The following BRINP3 variants were observed in gnomAD, a reference collection of about 807,000 sequenced individuals.
BRINP3 encodes the protein BMP/retinoic acid-inducible neural-specific protein 3.
BRINP3 carries 19 observed loss-of-function variants against 71.0 expected under a neutral mutation model. The observed-to-expected ratio is 0.27, with a 90% confidence interval of 0.19 to 0.39. The LOEUF (loss-of-function observed/expected upper bound fraction) is 0.39. BRINP3 is among the 10% of genes least tolerant of loss of function. BRINP3 has a pLI of 1.00. For missense variants in BRINP3, 959 were observed against 940.8 expected (o/e 1.02, Z -0.25); for synonymous variants, 380 against 337.7 (o/e 1.13, Z -1.37).
At chr1:190,300,698 A>T (rs1029431143) in intron 2 of BRINP3, among the ~76,000 whole-genome samples, 1 of 152,132 alleles carries the variant, frequency 6.6e-6, no homozygotes, top group Non-Finnish European at 1.5e-5. Flanking sequence ...GTAGTCCAAC[A>T]GACCTGCAGC....
intron 6 of BRINP3, among the ~76,000 whole-genome samples, chr1:190,206,489 CGTGTAT>C (rs1558064586): frequency 6.6e-6 from 1 of 151,498 alleles, no homozygotes; most frequent in African/African-American, 2.4e-5. Context: ...AGAAAAAAAA[CGTGTAT>C]GTGTATGATA....
chr1:190,360,772 G>A (rs1042234096), intron 2 of BRINP3, among the ~76,000 whole-genome samples: 3 of 151,800 alleles, frequency 2.0e-5, no homozygotes, highest in Non-Finnish European at 4.4e-5. Flanking sequence ...ACAACTAGGC[G>A]GTGTGTTGAG....
chr1:190,143,523 T>C (rs815342), intron 7 of BRINP3, among the ~76,000 whole-genome samples: 51,686 of 151,940 alleles, frequency 0.34, 8,829 homozygotes, highest in Middle Eastern at 0.4. Context: ...GAAATAATAA[T>C]AGAATGTTCT....
chr1:190,377,519 G>A (rs548083321), intron 2 of BRINP3, among the ~76,000 whole-genome samples: 67 of 150,624 alleles, frequency 4.4e-4, no homozygotes, highest in African/African-American at 1.6e-3. Context: ...AAAAGAAGAA[G>A]TGAAACTATC....
intron 7 of BRINP3, among the ~76,000 whole-genome samples, chr1:190,152,679 A>G (rs1413109817): frequency 6.6e-6 from 1 of 151,916 alleles, no homozygotes; most frequent in Non-Finnish European, 1.5e-5. Flanking sequence ...CACTGGACAA[A>G]ATGTTGAGGT....
intron 2 of BRINP3, among the ~76,000 whole-genome samples, chr1:190,384,262 C>A (rs1670739698): frequency 6.6e-6 from 1 of 151,240 alleles, no homozygotes; most frequent in African/African-American, 2.4e-5. Context: ...TAAAGAAAAT[C>A]TATTATTTTA....
Position 190,204,603 on chromosome 1 carries a change from G to C in BRINP3, c.961+21479C>G, listed in dbSNP as rs185327536. 3.9e-5 allele frequency among the ~76,000 whole-genome samples: 6 copies of C among 151,988 alleles called. No homozygotes were observed. In the East Asian group the frequency reaches 1.2e-3, roughly 30 times the overall value. The stretch of plus-strand genomic sequence containing the variant: ...TGCCTTCAGAAAACATGAATAATCT[G>C]ATCACCAGAGTAGCTCATCCATCAA... On this transcript the variant is annotated intron_variant, in intron 6 of 7. Coordinates refer to ENST00000367462, the MANE Select transcript of BRINP3 (RefSeq NM_199051.3).
At chr1:190,306,641 C>G (rs956382038) in intron 2 of BRINP3, among the ~76,000 whole-genome samples, 1 of 151,612 alleles carries the variant, frequency 6.6e-6, no homozygotes, top group South Asian at 2.1e-4. Context: ...TCAACATTCT[C>G]TGTAGTCTAG....
At chr1:190,362,023 G>C (rs1024678033) in intron 2 of BRINP3, 1 of 152,112 alleles carries the variant, frequency 6.6e-6, no homozygotes, top group African/African-American at 2.4e-5. Flanking sequence ...AAAGATACCA[G>C]ATAACTTGGT....
At chr1:190,258,946 G>T (rs902309597) in intron 4 of BRINP3, among the ~76,000 whole-genome samples, 1 of 152,044 alleles carries the variant, frequency 6.6e-6, no homozygotes, top group Non-Finnish European at 1.5e-5. Context: ...TCTTGAAACT[G>T]AACTCAAGAA....
At chr1:190,200,918 TC>T (rs1226864038) in intron 6 of BRINP3, among the ~76,000 whole-genome samples, 1 of 152,108 alleles carries the variant, frequency 6.6e-6, no homozygotes, top group Non-Finnish European at 1.5e-5. Context: ...TTTGTAAATT[TC>T]CCAATCTTGA....
At chr1:190,141,949 T>C (rs553741132) in intron 7 of BRINP3, among the ~76,000 whole-genome samples, 2 of 152,014 alleles carry the variant, frequency 1.3e-5, no homozygotes, top group Non-Finnish European at 2.9e-5. Context: ...AAAAAAGATA[T>C]CGATTATGAA....
At chr1:190,327,741 T>C (rs1666709101) in intron 2 of BRINP3, among the ~76,000 whole-genome samples, 2 of 152,120 alleles carry the variant, frequency 1.3e-5, no homozygotes, top group East Asian at 1.9e-4. Flanking sequence ...ACAGATCATA[T>C]AGGCAGAAAA....
chr1:190,185,856 G>C (rs1462862459), intron 6 of BRINP3, among the ~76,000 whole-genome samples: 2 of 152,184 alleles, frequency 1.3e-5, no homozygotes, highest in South Asian at 2.1e-4. Context: ...TAAAAGTACA[G>C]TTATTTCTTT....
At chr1:190,363,463 T>C (rs1472126850) in intron 2 of BRINP3, among the ~76,000 whole-genome samples, 1 of 152,098 alleles carries the variant, frequency 6.6e-6, no homozygotes, top group Non-Finnish European at 1.5e-5. Flanking sequence ...ATAAAATATA[T>C]AACCAAGAGA....
chr1:190,374,853 G>A (rs1670088435), intron 2 of BRINP3, among the ~76,000 whole-genome samples: 1 of 151,950 alleles, frequency 6.6e-6, no homozygotes, highest in Admixed American at 6.6e-5. Context: ...AAGCTGTCAT[G>A]AACAGGATAT....
intron 6 of BRINP3, among the ~76,000 whole-genome samples, chr1:190,214,475 G>T (rs1656237173): frequency 6.6e-6 from 1 of 151,986 alleles, no homozygotes; most frequent in Admixed American, 6.6e-5. Context: ...TTAGAACAGT[G>T]CACTGTAGAG....
chr1:190,193,296 A>C (rs1654204613), intron 6 of BRINP3, among the ~76,000 whole-genome samples: 1 of 152,168 alleles, frequency 6.6e-6, no homozygotes, highest in South Asian at 2.1e-4. Context: ...GTTTTAGAAG[A>C]GATGAGAGGT....
chr1:190,261,983 T>A (rs920841844), intron 4 of BRINP3, among the ~76,000 whole-genome samples: 71 of 152,152 alleles, frequency 4.7e-4, no homozygotes, highest in African/African-American at 1.6e-3. Context: ...TTCCTCATAT[T>A]TACTTCTAAG....
Sources: allele counts gnomAD v4.1 joint callset (sites outside exome capture counted in the v4.1 genomes callset), GRCh38; gene constraint gnomAD v4.1.1; transcripts MANE v1.5; gene names NCBI Gene and HGNC (gene_info 2026-07-23, HGNC 2026-07-21).